TXNL1: variants seen among roughly 807,000 people sequenced by gnomAD.
The protein encoded by TXNL1 is thioredoxin like 1.
A neutral mutation model predicts 35.5 loss-of-function variants in TXNL1; 14 were observed. The observed-to-expected ratio is 0.39, with a 90% CI of 0.26 to 0.62. TXNL1 has a LOEUF of 0.62. Ranked by LOEUF, TXNL1 falls within the 20% of genes least tolerant of loss-of-function variation. TXNL1 has a pLI of 0.47. For synonymous variants in TXNL1, 110 were observed against 115.5 expected, an observed-to-expected ratio of 0.95 and a Z score of 0.31; for missense variants, 263 against 349.7, an observed-to-expected ratio of 0.75 and a Z score of 1.98.
At position 56,638,531 on chromosome 18, in the gene TXNL1, G is replaced by A; in HGVS notation, c.-91C>T. 1 of 1,327,900 alleles carries A rather than the reference G, an allele frequency of 7.5e-7. No homozygotes were observed. Among genetic ancestry groups the A allele is most frequent in the South Asian group, 1.3e-5 (1 of 75,692 alleles). The allele number at this position is 1,327,900 out of a possible 1,614,324, so 82.3% of individuals were successfully genotyped here. A position where few individuals can be genotyped will look rare whatever the true frequency, so the allele number is the denominator to read the frequency against. ...CTGGGAGAGGAAGGAGAGATGCTCA[G>A]GAAGGCCGAGGCCTGGACAGAAGAG... On this transcript the variant is annotated 5_prime_UTR_variant, in exon 1 of 8. Transcript: ENST00000217515.
chr18:56,624,403 T>G lies in TXNL1; in HGVS notation c.254A>C (p.Lys85Thr). ...ATPTFLFFRNKVRIDQYQGAD... is the reference protein window; with the variant it reads ...ATPTFLFFRNTVRIDQYQGAD... ...TCCTTGATATTGATCAATTCTCACT[T>G]TGTTTCGAAAAAACAAAAATGTAGG... The change falls in exon 3 of 8, where the codon AAA (lysine) becomes ACA (threonine). Residue 85 changes from lysine (K) to threonine (T), a missense_variant. Transcript: ENST00000217515. 1 of 1,613,710 alleles carries G rather than the reference T, an allele frequency of 6.2e-7. No homozygotes were observed. The highest frequency in any genetic ancestry group is 8.5e-7 in the Non-Finnish European group (1 of 1,179,752).
intron 1 of TXNL1, among the ~76,000 whole-genome samples, chr18:56,637,384 C>T (rs2024472455): frequency 6.6e-6 from 1 of 152,086 alleles, no homozygotes; most frequent in Non-Finnish European, 1.5e-5. Context: ...GCCAAGGGGT[C>T]AAGGAAAATA....
At chr18:56,603,929 T>C (rs990811686) in intron 7 of TXNL1, among the ~76,000 whole-genome samples, 2 of 152,222 alleles carry the variant, frequency 1.3e-5, no homozygotes, top group Admixed American at 6.5e-5. Flanking sequence ...TATTTTACAT[T>C]GATTCTATTC....
chr18:56,628,296 GA>G (rs1413589602), intron 1 of TXNL1, among the ~76,000 whole-genome samples: 1 of 151,972 alleles, frequency 6.6e-6, no homozygotes, highest in Non-Finnish European at 1.5e-5. Flanking sequence ...ATTTTGGAGG[GA>G]AAAAAACCAA....
At position 56,633,319 on chromosome 18, in the gene TXNL1, C is replaced by A. The variant is rs1233254633; in HGVS notation, c.98+5024G>T. 1.3e-5 allele frequency among the ~76,000 whole-genome samples: 2 copies of A among 151,720 alleles called. 1 individual carries two copies. ...AAAATTAGCCGGGCGTGGTGGCGGG[C>A]ACCTGTAGTCCCAGCTACTCGGGAG... On this transcript the variant is annotated intron_variant, in intron 1 of 7. Transcript: ENST00000217515.
At chr18:56,624,698 C>T (rs976427169) in intron 2 of TXNL1, among the ~76,000 whole-genome samples, 1 of 152,154 alleles carries the variant, frequency 6.6e-6, no homozygotes, top group African/African-American at 2.4e-5. Context: ...ATCATTTTTA[C>T]TGGTAAATAC....
At chr18:56,635,489 G>T (rs1403693347) in intron 1 of TXNL1, among the ~76,000 whole-genome samples, 1 of 152,160 alleles carries the variant, frequency 6.6e-6, no homozygotes, top group Non-Finnish European at 1.5e-5. Context: ...AAAATACTAT[G>T]CTAAGTGAAG....
chr18:56,610,006 A>G (rs2023964669), intron 7 of TXNL1: 1 of 141,880 alleles, frequency 7.0e-6, no homozygotes, highest in South Asian at 2.4e-4. Flanking sequence ...ACATTTTTCT[A>G]TAATTGAATT....
chr18:56,631,458 G>GA (rs1260280626), intron 1 of TXNL1, among the ~76,000 whole-genome samples: 1 of 151,380 alleles, frequency 6.6e-6, no homozygotes, highest in Non-Finnish European at 1.5e-5. Context: ...ACCTAGTCCA[G>GA]ACATTTAAAA....
chr18:56,608,568 G>C (rs918274302), intron 7 of TXNL1: 8 of 152,282 alleles, frequency 5.3e-5, no homozygotes, highest in African/African-American at 1.9e-4. Flanking sequence ...ACCCTCTCAA[G>C]GAGTCTGGGA....
At chr18:56,616,554 A>G (rs1235318342) in intron 4 of TXNL1, among the ~76,000 whole-genome samples, 1 of 152,216 alleles carries the variant, frequency 6.6e-6, no homozygotes, top group Admixed American at 6.5e-5. Context: ...AGTAAATACT[A>G]AAACTATGCA....
intron 1 of TXNL1, among the ~76,000 whole-genome samples, chr18:56,635,900 C>T (rs992337677): frequency 4.6e-5 from 7 of 152,268 alleles, no homozygotes; most frequent in African/African-American, 1.4e-4. Context: ...CTCTAGATTA[C>T]TTATAATGCC....
intron 7 of TXNL1, among the ~76,000 whole-genome samples, chr18:56,606,595 C>A (rs1238853948): frequency 6.6e-6 from 1 of 152,176 alleles, no homozygotes; most frequent in Non-Finnish European, 1.5e-5. Context: ...AAACTTAGTT[C>A]AAGGCCCTCT....
chr18:56,614,728 G>A, intron 5 of TXNL1, 132 bp from the exon 6 acceptor site: 1 of 746,952 alleles, frequency 1.3e-6, no homozygotes, highest in South Asian at 2.3e-5. Flanking sequence ...TCCATTATTA[G>A]AACTTGTACA....
At chr18:56,629,244 G>A (rs778198440) in intron 1 of TXNL1, among the ~76,000 whole-genome samples, 2 of 152,172 alleles carry the variant, frequency 1.3e-5, no homozygotes, top group South Asian at 4.1e-4. Flanking sequence ...AGTTATGACA[G>A]GGGCCAGGCA....
chr18:56,627,365 A>G (rs768100970), intron 1 of TXNL1, among the ~76,000 whole-genome samples: 4 of 152,220 alleles, frequency 2.6e-5, no homozygotes, highest in Non-Finnish European at 5.9e-5. Context: ...GTAAGATCTC[A>G]GCAGGTTTTC....
intron 3 of TXNL1, among the ~76,000 whole-genome samples, chr18:56,621,134 C>T (rs1367916896): frequency 6.6e-6 from 1 of 151,686 alleles, no homozygotes; most frequent in East Asian, 1.9e-4. Context: ...TAAAAATAAA[C>T]TAAGTGGGTA....
chr18:56,637,077 A>T (rs1342339130), intron 1 of TXNL1, among the ~76,000 whole-genome samples: 1 of 152,218 alleles, frequency 6.6e-6, no homozygotes, highest in Non-Finnish European at 1.5e-5. Flanking sequence ...TGGGTACTCT[A>T]GCCCACCATA....
At chr18:56,609,097 T>C (rs1457066898) in intron 7 of TXNL1, 1 of 152,192 alleles carries the variant, frequency 6.6e-6, no homozygotes, top group Non-Finnish European at 1.5e-5. Context: ...TTCCCACTTT[T>C]AACTTATAAA....
Sources: gnomAD v4.1 joint callset for allele counts (sites outside exome capture counted in the v4.1 genomes callset) on GRCh38, gnomAD v4.1.1 for gene constraint, MANE v1.5 for transcripts, NCBI Gene and HGNC (gene_info 2026-07-23, HGNC 2026-07-21) for gene names.